The following CNTNAP2 variants were observed in gnomAD, a reference collection of about 807,000 sequenced individuals.
CNTNAP2 encodes contactin-associated protein-like 2.
In CNTNAP2, 98 loss-of-function variants were observed where a neutral mutation model predicts 155.2. The ratio of observed to expected loss-of-function variants is 0.63; its 90% CI spans 0.54 to 0.75. The LOEUF (loss-of-function observed/expected upper bound fraction) is 0.75. Among genes scored for constraint, CNTNAP2 ranks in the 30% least tolerant of loss-of-function variants. The pLI, the probability that CNTNAP2 is intolerant of heterozygous loss-of-function variation, is 0.00. For synonymous variants in CNTNAP2, 651 were observed against 631.2 expected, an observed-to-expected ratio of 1.03 and a Z score of -0.47; for missense variants, 1,727 against 1,688.1, an observed-to-expected ratio of 1.02 and a Z score of -0.40.
At chr7:148,024,758 C>T (rs1802347407) in intron 15 of CNTNAP2, among the ~76,000 whole-genome samples, 1 of 152,154 alleles carries the variant, frequency 6.6e-6, no homozygotes, top group African/African-American at 2.4e-5. Flanking sequence ...TGTTATTATT[C>T]TTCATATCCA....
chr7:148,012,701 C>G (rs1401046719), intron 15 of CNTNAP2, among the ~76,000 whole-genome samples: 1 of 152,188 alleles, frequency 6.6e-6, no homozygotes, highest in Non-Finnish European at 1.5e-5. Context: ...AACATTCACA[C>G]TCCTCACTCT....
chr7:147,537,807 T>C (rs1467985621), intron 11 of CNTNAP2, among the ~76,000 whole-genome samples: 1 of 152,220 alleles, frequency 6.6e-6, no homozygotes, highest in Admixed American at 6.5e-5. Context: ...CAGGTGTTTA[T>C]ATTTTGACTC....
At chr7:146,830,259 A>G (rs1179653401) in intron 2 of CNTNAP2, among the ~76,000 whole-genome samples, 1 of 152,046 alleles carries the variant, frequency 6.6e-6, no homozygotes, top group Non-Finnish European at 1.5e-5. Flanking sequence ...TTTGACCTTG[A>G]TTTTTGAGTA....
At chr7:147,848,591 C>T (rs974647526) in intron 13 of CNTNAP2, among the ~76,000 whole-genome samples, 1 of 152,092 alleles carries the variant, frequency 6.6e-6, no homozygotes, top group Non-Finnish European at 1.5e-5. Context: ...TAGACCGGAG[C>T]TGTTCCTATT....
intron 8 of CNTNAP2, among the ~76,000 whole-genome samples, chr7:147,250,083 T>C (rs563608101): frequency 6.6e-6 from 1 of 152,302 alleles, no homozygotes; most frequent in South Asian, 2.1e-4. Flanking sequence ...AGCCTTCCAA[T>C]TCTGATTGCG....
chr7:147,220,572 A>G, intron 8 of CNTNAP2, among the ~76,000 whole-genome samples: 1 of 152,212 alleles, frequency 6.6e-6, no homozygotes, highest in East Asian at 1.9e-4. Context: ...TTGGATTAAT[A>G]TTTAGTACTG....
At chr7:146,650,736 A>G (rs755697768) in intron 1 of CNTNAP2, among the ~76,000 whole-genome samples, 8 of 152,200 alleles carry the variant, frequency 5.3e-5, no homozygotes, top group Non-Finnish European at 1.2e-4. Flanking sequence ...GATATAATGG[A>G]AAGAGTACAT....
At chr7:147,234,334 C>CCTT (rs1803751620) in intron 8 of CNTNAP2, among the ~76,000 whole-genome samples, 1 of 107,556 alleles carries the variant, frequency 9.3e-6, no homozygotes, top group Non-Finnish European at 1.7e-5. Context: ...CAAGAGTATT[C>CCTT]TTTTTTTTTT....
intron 21 of CNTNAP2, among the ~76,000 whole-genome samples, chr7:148,332,033 T>G (rs1443687195): frequency 6.6e-6 from 1 of 152,088 alleles, no homozygotes; most frequent in Admixed American, 6.5e-5. Flanking sequence ...CATTGGATGG[T>G]GGTTCATGAG....
chr7:146,616,964 A>C (rs1012347546), intron 1 of CNTNAP2, among the ~76,000 whole-genome samples: 3 of 152,224 alleles, frequency 2.0e-5, no homozygotes, highest in African/African-American at 7.2e-5. Flanking sequence ...AGTTGGTTAT[A>C]ATTACGTGAT....
chr7:147,794,824 T>G (rs1358315932), intron 13 of CNTNAP2, among the ~76,000 whole-genome samples: 2 of 151,890 alleles, frequency 1.3e-5, no homozygotes, highest in Non-Finnish European at 2.9e-5. Context: ...TTTGGTAGTT[T>G]GTATTTTTTT....
chr7:148,129,490 G>T (rs1408929550), intron 16 of CNTNAP2, among the ~76,000 whole-genome samples: 1 of 152,104 alleles, frequency 6.6e-6, no homozygotes, highest in Non-Finnish European at 1.5e-5. Flanking sequence ...TGCAAGGAAT[G>T]ATTGCATATG....
chr7:147,890,177 G>A lies in CNTNAP2; in HGVS notation c.2099-13388G>A, dbSNP rs116250907. Among the ~76,000 whole-genome samples the A allele has an allele frequency of 5.6e-3, 846 of 152,218 alleles. 8 individuals carry two copies. The highest frequency in any genetic ancestry group is 0.019 in the African/African-American group (803 of 41,510). Reference sequence around the variant, plus strand: ...AGCCTGACCAATGTGGTGAAACCCCGTCTCTACTAAAAATAATAATAATCA... The same window carrying A: ...AGCCTGACCAATGTGGTGAAACCCCATCTCTACTAAAAATAATAATAATCA... On this transcript the variant is annotated intron_variant, in intron 13 of 23. Coordinates refer to ENST00000361727, the MANE Select transcript of CNTNAP2 (RefSeq NM_014141.6).
At chr7:146,987,852 G>A (rs553635948) in intron 3 of CNTNAP2, among the ~76,000 whole-genome samples, 1 of 152,142 alleles carries the variant, frequency 6.6e-6, no homozygotes, top group East Asian at 1.9e-4. Flanking sequence ...TTAACAATAA[G>A]GTGGTTATAA....
At chr7:147,760,037 G>A (rs979068832) in intron 13 of CNTNAP2, among the ~76,000 whole-genome samples, 2 of 151,844 alleles carry the variant, frequency 1.3e-5, no homozygotes, top group Middle Eastern at 3.4e-3. Flanking sequence ...CTTCTTGGAC[G>A]TCCTCAGAGA....
chr7:147,769,174 T>C (rs1797427197), intron 13 of CNTNAP2, among the ~76,000 whole-genome samples: 1 of 152,292 alleles, frequency 6.6e-6, no homozygotes, highest in African/African-American at 2.4e-5. Context: ...TTTATGCTAA[T>C]TGGCAAGTAA....
intron 15 of CNTNAP2, among the ~76,000 whole-genome samples, chr7:147,985,290 GGTGGGGA>G (rs951640969): frequency 5.3e-5 from 8 of 151,582 alleles, no homozygotes; most frequent in Non-Finnish European, 1.2e-4. Flanking sequence ...GGGGGTGGGG[GGTGGGGA>G]GTGGTAATCC....
chr7:146,712,048 C>T (rs868058325), intron 1 of CNTNAP2, among the ~76,000 whole-genome samples: 4 of 78,634 alleles, frequency 5.1e-5, no homozygotes, highest in Non-Finnish European at 9.6e-5. Context: ...ATAGTATACA[C>T]ATCTTATGTA....
intron 1 of CNTNAP2, among the ~76,000 whole-genome samples, chr7:146,397,109 G>A (rs1249232484): frequency 6.6e-6 from 1 of 152,102 alleles, no homozygotes; most frequent in Non-Finnish European, 1.5e-5. Context: ...GCTACTAGTT[G>A]TAGTTCACTG....
Sources: allele counts gnomAD v4.1 joint callset (sites outside exome capture counted in the v4.1 genomes callset), GRCh38; gene constraint gnomAD v4.1.1; transcripts MANE v1.5; gene names NCBI Gene and HGNC (gene_info 2026-07-23, HGNC 2026-07-21).